Variants in ADAT3 observed in about 807,000 individuals in gnomAD.
ADAT3 encodes adenosine deaminase tRNA specific 3.
In ADAT3, 2 loss-of-function variants were observed where a neutral mutation model predicts 3.5. The observed-to-expected ratio is 0.57, with a 90% CI of 0.23 to 1.79. The LOEUF (loss-of-function observed/expected upper bound fraction) is 1.79, where lower values mean the gene tolerates loss of function less well. Among genes scored for constraint, ADAT3 ranks in the 40% most tolerant of loss-of-function variants. The pLI is 0.18. For missense variants in ADAT3, 735 were observed against 571.4 expected (o/e 1.29, Z -2.92); for synonymous variants, 358 against 270.3 (o/e 1.32, Z -3.18).
chr19:1,911,996 G>A lies in ADAT3; in HGVS notation c.-52G>A, dbSNP rs2013476008. Reference sequence around the variant, plus strand: ...AGCACGCCCTGCCTTGTGGAGCCACGGCCTCCCGGGACGGACTCCCCGGCT... The same window carrying A: ...AGCACGCCCTGCCTTGTGGAGCCACAGCCTCCCGGGACGGACTCCCCGGCT... On this transcript the variant is annotated 5_prime_UTR_variant, in exon 2 of 2. Coordinates refer to ENST00000329478, the MANE Select transcript of ADAT3 (RefSeq NM_138422.4). The A allele has an allele frequency of 2.5e-5, 35 of 1,411,366 alleles. No homozygotes were observed. Among genetic ancestry groups the A allele is most frequent in the Non-Finnish European group, 3.1e-5 (34 of 1,089,824 alleles). The allele number at this position is 1,411,366 out of a possible 1,614,324, so 87.4% of individuals were successfully genotyped here. A position where few individuals can be genotyped will look rare whatever the true frequency, so the allele number is the denominator to read the frequency against.
Position 1,913,103 on chromosome 19 carries a change from C to T in ADAT3, c.1056C>T (p.Phe352=), listed in dbSNP as rs1301816722. 1 of 1,594,806 alleles carries T rather than the reference C, an allele frequency of 6.3e-7. No homozygotes were observed. Among genetic ancestry groups the T allele is most frequent in the Non-Finnish European group, 8.5e-7 (1 of 1,175,402 alleles). The change falls in exon 2 of 2, where the codon TTC becomes TTT. Residue 352 remains phenylalanine (F), a synonymous_variant. Coordinates refer to ENST00000329478, the MANE Select transcript of ADAT3 (RefSeq NM_138422.4). The part of the protein sequence containing the change: ...RPDLNHRFQV[F]RGVLEEQCRW... ...ACCTCAACCACCGCTTCCAGGTGTT[C>T]CGCGGGGTGCTGGAGGAGCAGTGCC...
chr19:1,909,627 C>G (rs940134956), intron 1 of ADAT3, among the ~76,000 whole-genome samples: 1 of 152,016 alleles, frequency 6.6e-6, no homozygotes, highest in Non-Finnish European at 1.5e-5. Context: ...GGGATGGTAA[C>G]AGTGCTGGTG....
At position 1,912,471 on chromosome 19, in the gene ADAT3, G is replaced by T. The variant is rs774600353; in HGVS notation, c.424G>T (p.Val142Leu). The T allele has an allele frequency of 6.7e-7, 1 of 1,501,996 alleles. No homozygotes were observed. Among genetic ancestry groups the T allele is most frequent in the Admixed American group, 2.1e-5 (1 of 46,936 alleles). The allele number at this position is 1,501,996 out of a possible 1,614,324, so 93.0% of individuals were successfully genotyped here. Residue 142 changes from valine (V) to leucine (L), a missense_variant, in exon 2 of 2, where the codon GTG becomes TTG. Transcript: ENST00000329478. The stretch of plus-strand genomic sequence containing the variant: ...CCGCGGCCTGGGGCAACCCTTCCTG[G>T]TGCCCGTGCCCGCCCGGCCGCCTCT... ...DPRGLGQPFL[V>L]PVPARPPLTR...
In ADAT3 at chr19:1,913,013, C is replaced by G. The variant is rs371608602; in HGVS notation, c.966C>G (p.Val322=). The change falls in exon 2 of 2, where the codon GTC becomes GTG. Residue 322 remains valine, a synonymous_variant. Coordinates refer to ENST00000329478, the MANE Select transcript of ADAT3 (RefSeq NM_138422.4). ...TGGTGCACGCACGCATCCTGCGCGT[C>G]TTCTACGGTGCGCCCTCGCCCGACG... ...MALVHARILR[V]FYGAPSPDGA... is the part of the protein sequence containing the mutation. 3.7e-6 allele frequency: 6 copies of G among 1,606,780 alleles called. No individual in the cohort carries two copies. The highest frequency in any genetic ancestry group is 1.3e-5 in the African/African-American group (1 of 74,910).
Position 1,912,330 on chromosome 19 carries a change from C to A in ADAT3, c.283C>A (p.Arg95=). The A allele has an allele frequency of 6.5e-7, 1 of 1,532,832 alleles. No homozygotes were observed. Among genetic ancestry groups the A allele is most frequent in the Non-Finnish European group, 8.7e-7 (1 of 1,148,084 alleles). 95.0% of individuals were successfully genotyped at this position (1,532,832 alleles called of 1,614,324 possible). ...LPAQPHLKRV[R]PSRDAGSPHA... is the part of the protein sequence containing the mutation. The stretch of plus-strand genomic sequence containing the variant: ...CGCCCAGCCTCACCTCAAGCGGGTG[C>A]GGCCCAGCCGCGATGCCGGCAGCCC... Residue 95 remains arginine, a synonymous_variant, in exon 2 of 2, where the codon CGG becomes AGG. Coordinates refer to ENST00000329478, the MANE Select transcript of ADAT3 (RefSeq NM_138422.4).
At chr19:1,905,466 G>T in intron 1 of ADAT3, 27 bp downstream of exon 1, 1 of 455,650 alleles carries the variant, frequency 2.2e-6, no homozygotes, top group Admixed American at 2.4e-5. Flanking sequence ...GAGGTCTCGG[G>T]TTCTCCAGGC....
chr19:1,905,632 G>C (rs552865895), intron 1 of ADAT3, 193 bp downstream of exon 1: 29 of 160,908 alleles, frequency 1.8e-4, no homozygotes, highest in African/African-American at 6.3e-4. Context: ...GCGAATGCGC[G>C]TGCGCGCGCG....
At position 1,912,821 on chromosome 19, in the gene ADAT3, C is replaced by A; in HGVS notation, c.774C>A (p.Asp258Glu). 1 of 1,589,796 alleles carries A rather than the reference C, an allele frequency of 6.3e-7. No individual in the cohort carries two copies. The highest frequency in any genetic ancestry group is 8.5e-7 in the Non-Finnish European group (1 of 1,175,240). Residue 258 changes from aspartate (D) to glutamate (E), a missense_variant, in exon 2 of 2, where the codon GAC (aspartate) becomes GAA (glutamate). Physicochemically the swap from Asp to Glu is conservative, Grantham distance 45 (BLOSUM62 2). Coordinates refer to ENST00000329478, the MANE Select transcript of ADAT3 (RefSeq NM_138422.4). Reference sequence around the variant, plus strand: ...GCGGCCAGGGCCGCGGCACCTACGACTTCAGACCCTTCCCCGCCTGCTCCT... The same window carrying A: ...GCGGCCAGGGCCGCGGCACCTACGAATTCAGACCCTTCCCCGCCTGCTCCT... ...VARGQGRGTY[D>E]FRPFPACSFA...
rs2145435041 is a variant in ADAT3 at position 1,911,877 on chromosome 19, C to T, written c.-158-13C>T. ...TTAAAAACCAATGGCTGTTTAAACT[C>T]TGTGCACACCAGGGGTTAGCAGGAC... On this transcript the variant is annotated splice_polypyrimidine_tract_variant and intron_variant, in intron 1 of 1. Transcript: ENST00000329478. The T allele has an allele frequency of 4.2e-6, 3 of 714,670 alleles. No individual in the cohort carries two copies. Among genetic ancestry groups the T allele is most frequent in the South Asian group, 3.5e-5 (1 of 28,636 alleles). 44.3% of individuals were successfully genotyped at this position (714,670 alleles called of 1,614,324 possible).
rs2013046363 is a variant in ADAT3 at position 1,905,422 on chromosome 19, C to A, written c.-176C>A. ...CTAAGACTTGGCGAAGCGCTGCGCT[C>A]GCGCCCGGATCCCTCAGGTAAGCGC... is the stretch of plus-strand genomic sequence containing the variant. On this transcript the variant is annotated 5_prime_UTR_variant, in exon 1 of 2. Coordinates refer to ENST00000329478, the MANE Select transcript of ADAT3 (RefSeq NM_138422.4). The A allele has an allele frequency of 2.2e-6, 1 of 463,028 alleles. No individual in the cohort carries two copies. Among genetic ancestry groups the A allele is most frequent in the Non-Finnish European group, 4.5e-6 (1 of 223,676 alleles). The allele number at this position is 463,028 out of a possible 1,614,324, so 28.7% of individuals were successfully genotyped here. A position where few individuals can be genotyped will look rare whatever the true frequency, so the allele number is the denominator to read the frequency against.
In ADAT3 at chr19:1,908,164, G is replaced by A. The variant is rs190544907; in HGVS notation, c.-159+2725G>A. On this transcript the variant is annotated intron_variant, in intron 1 of 1. Transcript: ENST00000329478. The surrounding 1 kb of genome is among the most constrained non-coding windows in gnomAD (Gnocchi z 4.2). ...TGGTCGCGCGTGGTGTGCGTTTTGG[G>A]AGGGCCCAGCGAGTCGGCTGCTATG... is the stretch of plus-strand genomic sequence containing the variant. 30 of 264,712 alleles carry A rather than the reference G, an allele frequency of 1.1e-4. No homozygotes were observed. The highest frequency in any genetic ancestry group is 6.5e-4 in the African/African-American group (28 of 42,844). 16.4% of individuals were successfully genotyped at this position (264,712 alleles called of 1,614,324 possible). A position where few individuals can be genotyped will look rare whatever the true frequency, so the allele number is the denominator to read the frequency against.
intron 1 of ADAT3, among the ~76,000 whole-genome samples, chr19:1,911,022 C>T (rs569090600): frequency 6.6e-6 from 1 of 152,200 alleles, no homozygotes; most frequent in East Asian, 1.9e-4. Context: ...ACTACAGGTG[C>T]GTGCCACCAG....
chr19:1,908,866 G>A lies in ADAT3; in HGVS notation c.-158-3024G>A, dbSNP rs543290534. ...CACCTGTAATCCCAGCACTTTGGGA[G>A]GCTGAGGCAGGTGGATCACCTGAGG... On this transcript the variant is annotated intron_variant, in intron 1 of 1. Coordinates refer to ENST00000329478, the MANE Select transcript of ADAT3 (RefSeq NM_138422.4). This position sits in a 1 kb window ranked among gnomAD's most constrained non-coding sequence, Gnocchi z 4.2. Among the ~76,000 whole-genome samples the A allele has an allele frequency of 2.0e-5, 3 of 151,676 alleles. No individual in the cohort carries two copies. In the East Asian group the frequency reaches 5.9e-4, roughly 30 times the overall value.
chr19:1,912,336 A>G lies in ADAT3; in HGVS notation c.289A>G (p.Ser97Gly), dbSNP rs1384531586. The change falls in exon 2 of 2, where the codon AGC (serine) becomes GGC (glycine). Residue 97 changes from serine (S) to glycine (G), a missense_variant. By Grantham distance (56) the Ser-to-Gly change is moderately conservative. Coordinates refer to ENST00000329478, the MANE Select transcript of ADAT3 (RefSeq NM_138422.4). Reference protein sequence around the residue: ...AQPHLKRVRPSRDAGSPHALE... With the variant: ...AQPHLKRVRPGRDAGSPHALE... The stretch of plus-strand genomic sequence containing the variant: ...GCCTCACCTCAAGCGGGTGCGGCCC[A>G]GCCGCGATGCCGGCAGCCCCCACGC... 6.5e-7 allele frequency: 1 copy of G among 1,536,388 alleles called. No individual in the cohort carries two copies. The highest frequency in any genetic ancestry group is 2.6e-5 in the East Asian group (1 of 39,192).
chr19:1,909,161 G>A (rs2013300599), intron 1 of ADAT3, among the ~76,000 whole-genome samples: 1 of 152,060 alleles, frequency 6.6e-6, no homozygotes, highest in Admixed American at 6.6e-5. Flanking sequence ...CCAACCTCAG[G>A]CCTGCGGTGC....
Position 1,908,634 on chromosome 19 carries a change from A to AGGT in ADAT3, c.-159+3196_-159+3198dup, listed in dbSNP as rs1320252335. On this transcript the variant is annotated intron_variant, in intron 1 of 1. Transcript: ENST00000329478. The surrounding 1 kb of genome is among the most constrained non-coding windows in gnomAD (Gnocchi z 4.2). ...CTGCTAGAAATAACTGTGAGCACAC[A>AGGT]GGTAGTAAGGTTTTTAGGATTTTAT... is the stretch of plus-strand genomic sequence containing the variant. 1 of 459,918 alleles carries AGGT rather than the reference A, an allele frequency of 2.2e-6. No homozygotes were observed. Among genetic ancestry groups the AGGT allele is most frequent in the Non-Finnish European group, 4.5e-6 (1 of 223,158 alleles). The allele number at this position is 459,918 out of a possible 1,614,324, so 28.5% of individuals were successfully genotyped here.
At position 1,908,714 on chromosome 19, in the gene ADAT3, G is replaced by A. The variant is rs2013275242; in HGVS notation, c.-158-3176G>A. On this transcript the variant is annotated intron_variant, in intron 1 of 1. Transcript: ENST00000329478. This position sits in a 1 kb window ranked among gnomAD's most constrained non-coding sequence, Gnocchi z 4.2. The stretch of plus-strand genomic sequence containing the variant: ...GGGTCTCTCTATCTTGCCCACGTTG[G>A]TCTCAAACTCCTGTGCTTAAGTGAT... 3.1e-5 allele frequency: 12 copies of A among 389,658 alleles called. No individual in the cohort carries two copies. The highest frequency in any genetic ancestry group is 2.3e-4 in the South Asian group (12 of 51,324). 24.1% of individuals were successfully genotyped at this position (389,658 alleles called of 1,614,324 possible).
intron 1 of ADAT3, 26 bp downstream of exon 1, chr19:1,905,465 G>A (rs1402622891): frequency 8.8e-6 from 4 of 456,082 alleles, no homozygotes; most frequent in South Asian, 6.4e-5. Context: ...CGAGGTCTCG[G>A]GTTCTCCAGG....
At position 1,912,506 on chromosome 19, in the gene ADAT3, CCA is replaced by C. The variant is rs1555837798; in HGVS notation, c.460_461del (p.Gln154ValfsTer129). 6.7e-7 allele frequency: 1 copy of C among 1,495,552 alleles called. No homozygotes were observed. The highest frequency in any genetic ancestry group is 8.8e-7 in the Non-Finnish European group (1 of 1,130,122). 92.6% of individuals were successfully genotyped at this position (1,495,552 alleles called of 1,614,324 possible). ...CCGCCCGGCCGCCTCTGACCAGGGG[CCA>C]GTTCGAGGAGGCCCGGGCCCACTGG... ...VPARPPLTRG[Q>X]FEEARAHWPT... On this transcript the variant is annotated frameshift_variant, in exon 2 of 2. Coordinates refer to ENST00000329478, the MANE Select transcript of ADAT3 (RefSeq NM_138422.4). LOFTEE classifies it low-confidence loss of function (END_TRUNC).
Sources: gnomAD v4.1 joint callset for allele counts (sites outside exome capture counted in the v4.1 genomes callset) on GRCh38, gnomAD v4.1.1 for gene constraint, Gnocchi (gnomAD v3.1) non-coding constraint, MANE v1.5 for transcripts, NCBI Gene and HGNC (gene_info 2026-07-23, HGNC 2026-07-21) for gene names.